Variants in ISL1 observed in about 807,000 individuals in gnomAD.
ISL1 encodes the protein insulin gene enhancer protein ISL-1.
Under a neutral mutation model 35.3 loss-of-function variants are expected in ISL1, and 4 were observed. The ratio of observed to expected loss-of-function variants is 0.11; its 90% CI spans 0.06 to 0.26. The LOEUF is 0.26. Among genes scored for constraint, ISL1 ranks in the 10% least tolerant of loss-of-function variants. ISL1 has a pLI of 1.00. For synonymous variants in ISL1, 186 were observed against 172.3 expected (o/e 1.08, Z -0.62); for missense variants, 340 against 472.8 (o/e 0.72, Z 2.60).
chr5:51,385,182 A>C (rs1197388003), intron 2 of ISL1, among the ~76,000 whole-genome samples: 2 of 152,238 alleles, frequency 1.3e-5, no homozygotes, highest in East Asian at 3.8e-4. Context: ...AATAGGTGAA[A>C]TAAAAGTTTG....
chr5:51,391,416 T>C lies in ISL1; in HGVS notation c.908T>C (p.Ile303Thr). The C allele has an allele frequency of 6.2e-7, 1 of 1,614,124 alleles. No individual in the cohort carries two copies. The highest frequency in any genetic ancestry group is 8.5e-7 in the Non-Finnish European group (1 of 1,180,028). Reference sequence around the variant, plus strand: ...AGCGACTTCGCCTTGCAGAGTGACATAGATCAGCCTGCTTTTCAGCAACTG... The same window carrying C: ...AGCGACTTCGCCTTGCAGAGTGACACAGATCAGCCTGCTTTTCAGCAACTG... ...VLSDFALQSD[I>T]DQPAFQQLVN... is the part of the protein sequence containing the mutation. The change falls in exon 5 of 6, where the codon ATA (isoleucine) becomes ACA (threonine). Residue 303 changes from isoleucine to threonine, a missense_variant. By Grantham distance (89) the Ile-to-Thr change is moderately conservative. Coordinates refer to ENST00000230658, the MANE Select transcript of ISL1 (RefSeq NM_002202.3).
intron 2 of ISL1, among the ~76,000 whole-genome samples, chr5:51,385,914 C>G (rs1219458579): frequency 6.6e-6 from 1 of 152,026 alleles, no homozygotes; most frequent in African/African-American, 2.4e-5. Context: ...CACTTAGTAT[C>G]CAGCATTTTT....
rs1320364859 is a variant in ISL1, at chr5:51,387,063, G to T, written c.219-427G>T. Among the ~76,000 whole-genome samples the T allele has an allele frequency of 6.7e-6, 1 of 148,776 alleles. No homozygotes were observed. The highest frequency in any genetic ancestry group is 2.0e-4 in the East Asian group (1 of 4,940). Reference sequence around the variant, plus strand: ...GGGATAGGGAAGTGAAAGTGTTGGTGTCGGTGGCCACCAGAGTCTTTCTGG... The same window carrying T: ...GGGATAGGGAAGTGAAAGTGTTGGTTTCGGTGGCCACCAGAGTCTTTCTGG... On this transcript the variant is annotated intron_variant, in intron 2 of 5. Coordinates refer to ENST00000230658, the MANE Select transcript of ISL1 (RefSeq NM_002202.3). This position sits in a 1 kb window ranked among gnomAD's most constrained non-coding sequence, Gnocchi z 4.3.
chr5:51,391,609 G>A (rs768950497), intron 5 of ISL1, 168 bp downstream of exon 5: 14 of 703,042 alleles, frequency 2.0e-5, no homozygotes, highest in Non-Finnish European at 2.7e-5. Context: ...CAGGGAAAAC[G>A]AACCTCTTGG....
intron 4 of ISL1, among the ~76,000 whole-genome samples, chr5:51,390,642 CTTTTTTTTTTTTT>C (rs57707586): frequency 2.6e-3 from 104 of 40,214 alleles, no homozygotes; most frequent in African/African-American, 8.2e-3. Flanking sequence ...CTTTCTTTTT[CTTTTTTTTTTTTT>C]TTTTTTTTTT....
chr5:51,384,243 A>G (rs1371958252), intron 1 of ISL1, among the ~76,000 whole-genome samples: 30 of 116,248 alleles, frequency 2.6e-4, no homozygotes, highest in South Asian at 6.8e-4. Flanking sequence ...GCAAAGAGGA[A>G]GGGGGGGGGG....
At position 51,390,005 on chromosome 5, in the gene ISL1, C is replaced by G. The variant is rs1747450910; in HGVS notation, c.765+73C>G. On this transcript the variant is annotated intron_variant, in intron 4 of 5. Coordinates refer to ENST00000230658, the MANE Select transcript of ISL1 (RefSeq NM_002202.3). ...CAGCGTGCGAGGTGCGTTCCTGGTA[C>G]GCAGGATCGCACGGTTTTCAATCCT... The G allele has an allele frequency of 4.6e-6, 7 of 1,519,434 alleles. No individual in the cohort carries two copies. The East Asian group carries it at 9.2e-5, about 20-fold the overall frequency. 94.1% of individuals were successfully genotyped at this position (1,519,434 alleles called of 1,614,324 possible).
chr5:51,393,690 A>C lies in ISL1; in HGVS notation c.*80A>C. The C allele has an allele frequency of 1.1e-6, 1 of 889,196 alleles. No individual in the cohort carries two copies. Among genetic ancestry groups the C allele is most frequent in the Non-Finnish European group, 1.9e-6 (1 of 520,018 alleles). The allele number at this position is 889,196 out of a possible 1,614,324, so 55.1% of individuals were successfully genotyped here. A position where few individuals can be genotyped will look rare whatever the true frequency, so the allele number is the denominator to read the frequency against. On this transcript the variant is annotated 3_prime_UTR_variant, in exon 6 of 6. Coordinates refer to ENST00000230658, the MANE Select transcript of ISL1 (RefSeq NM_002202.3). ...GTCGAACTCTGAAACAAAAGTATTTAACGACCCAGTCAATGAAAACTGAAT... is the reference window on the plus strand; with the variant it reads ...GTCGAACTCTGAAACAAAAGTATTTCACGACCCAGTCAATGAAAACTGAAT...
At position 51,384,694 on chromosome 5, in the gene ISL1, G is replaced by C. The variant is rs1747301162; in HGVS notation, c.182G>C (p.Arg61Thr). 6.2e-7 allele frequency: 1 copy of C among 1,614,008 alleles called. No homozygotes were observed. The highest frequency in any genetic ancestry group is 1.3e-5 in the African/African-American group (1 of 74,930). ...YLDESCTCFVRDGKTYCKRDY... is the reference protein window; with the variant it reads ...YLDESCTCFVTDGKTYCKRDY... Reference sequence around the variant, plus strand: ...GACGAGAGCTGTACATGCTTTGTTAGGGATGGGAAAACCTACTGTAAAAGA... The same window carrying C: ...GACGAGAGCTGTACATGCTTTGTTACGGATGGGAAAACCTACTGTAAAAGA... The change falls in exon 2 of 6, where the codon AGG (arginine) becomes ACG (threonine). Residue 61 changes from arginine (R) to threonine (T), a missense_variant. This residue lies in a region of ISL1 where 70 missense variants were observed against 130.3 expected (regional missense o/e 0.54). Transcript: ENST00000230658.
rs746145654 is a variant in ISL1, at chr5:51,387,469, G to T, written c.219-21G>T. On this transcript the variant is annotated intron_variant, in intron 2 of 5. Coordinates refer to ENST00000230658, the MANE Select transcript of ISL1 (RefSeq NM_002202.3). This position sits in a 1 kb window ranked among gnomAD's most constrained non-coding sequence, Gnocchi z 4.3. ...TCTCTCCCCGCTCTGGGCCGCCTCC[G>T]CTCCCCCCTCCCCCGCACAGGTTGT... The T allele has an allele frequency of 2.5e-6, 4 of 1,613,302 alleles. No homozygotes were observed. Among genetic ancestry groups the T allele is most frequent in the East Asian group, 2.2e-5 (1 of 44,810 alleles).
rs772384999 is a variant in ISL1, at chr5:51,393,517, G to A, written c.957G>A (p.Pro319=). The change falls in exon 6 of 6, where the codon CCG becomes CCA. Residue 319 remains proline (P), a synonymous_variant. Coordinates refer to ENST00000230658, the MANE Select transcript of ISL1 (RefSeq NM_002202.3). Reference sequence around the variant, plus strand: ...AGGTCAATTTTTCAGAAGGAGGACCGGGCTCTAATTCCACTGGCAGTGAAG... The same window carrying A: ...AGGTCAATTTTTCAGAAGGAGGACCAGGCTCTAATTCCACTGGCAGTGAAG... ...QQLVNFSEGG[P]GSNSTGSEVA... 28 of 1,612,988 alleles carry A rather than the reference G, an allele frequency of 1.7e-5. No homozygotes were observed. In the Middle Eastern group the frequency reaches 6.6e-4, roughly 38 times the overall value.
At chr5:51,391,852 C>T (rs1320772138) in intron 5 of ISL1, among the ~76,000 whole-genome samples, 1 of 152,026 alleles carries the variant, frequency 6.6e-6, no homozygotes, top group Non-Finnish European at 1.5e-5. Context: ...TCCTGAGCAT[C>T]TAGAGAATGG....
intron 4 of ISL1, among the ~76,000 whole-genome samples, chr5:51,390,636 C>CCTTTTTTTTTTTTTTT (rs1747475980): frequency 9.4e-5 from 7 of 74,326 alleles, no homozygotes; most frequent in African/African-American, 3.0e-4. Flanking sequence ...TCTTTTCTTT[C>CCTTTTTTTTTTTTTTT]TTTTTCTTTT....
Position 51,389,510 on chromosome 5 carries a change from T to C in ISL1, c.479-136T>C, listed in dbSNP as rs1301867181. The C allele has an allele frequency of 2.7e-6, 2 of 731,752 alleles. No individual in the cohort carries two copies. Among genetic ancestry groups the C allele is most frequent in the Admixed American group, 9.2e-5 (2 of 21,744 alleles). The allele number at this position is 731,752 out of a possible 1,614,324, so 45.3% of individuals were successfully genotyped here. A position where few individuals can be genotyped will look rare whatever the true frequency, so the allele number is the denominator to read the frequency against. Reference sequence around the variant, plus strand: ...CTGAGGCTGCAAACCCTAGCCATTGTCCTGAGTATCTCGGGCGGGCGAGCA... The same window carrying C: ...CTGAGGCTGCAAACCCTAGCCATTGCCCTGAGTATCTCGGGCGGGCGAGCA... On this transcript the variant is annotated intron_variant, in intron 3 of 5. Coordinates refer to ENST00000230658, the MANE Select transcript of ISL1 (RefSeq NM_002202.3). This position sits in a 1 kb window ranked among gnomAD's most constrained non-coding sequence, Gnocchi z 5.0.
At chr5:51,390,961 A>G (rs1747499881) in intron 4 of ISL1, among the ~76,000 whole-genome samples, 1 of 151,756 alleles carries the variant, frequency 6.6e-6, no homozygotes, top group South Asian at 2.1e-4. Flanking sequence ...CTGGGAAGCT[A>G]TGGTCTGAGA....
At position 51,389,716 on chromosome 5, in the gene ISL1, C is replaced by T. The variant is rs1441983976; in HGVS notation, c.549C>T (p.Arg183=). ...ACAAGCAGCCGGAGAAGACCACCCG[C>T]GTGCGGACTGTGCTGAACGAGAAGC... ...HVHKQPEKTT[R]VRTVLNEKQL... is the part of the protein sequence containing the mutation. The change falls in exon 4 of 6, where the codon CGC becomes CGT. Residue 183 remains arginine, a synonymous_variant. Coordinates refer to ENST00000230658, the MANE Select transcript of ISL1 (RefSeq NM_002202.3). This position sits in a 1 kb window ranked among gnomAD's most constrained non-coding sequence, Gnocchi z 5.0. 2 of 1,613,988 alleles carry T rather than the reference C, an allele frequency of 1.2e-6. No individual in the cohort carries two copies. Among genetic ancestry groups the T allele is most frequent in the Non-Finnish European group, 8.5e-7 (1 of 1,180,030 alleles).
chr5:51,385,196 G>A (rs1202594820), intron 2 of ISL1, among the ~76,000 whole-genome samples: 3 of 152,196 alleles, frequency 2.0e-5, no homozygotes, highest in African/African-American at 7.2e-5. Flanking sequence ...AAGTTTGACC[G>A]AAGCATGTTT....
chr5:51,387,536 A>G lies in ISL1; in HGVS notation c.265A>G (p.Asn89Asp). ...CAAGTGCAGCATCGGCTTCAGCAAGAACGACTTCGTGATGCGTGCCCGCTC... is the reference window on the plus strand; with the variant it reads ...CAAGTGCAGCATCGGCTTCAGCAAGGACGACTTCGTGATGCGTGCCCGCTC... ...CAKCSIGFSK[N>D]DFVMRARSKV... The change falls in exon 3 of 6, where the codon AAC becomes GAC. Residue 89 changes from asparagine to aspartate, a missense_variant. Physicochemically the swap from Asn to Asp is conservative, Grantham distance 23. Around this residue, in one of 7 missense-constraint regions of ISL1, gnomAD observed 70 missense variants for 130.3 expected, o/e 0.54. Transcript: ENST00000230658. This position sits in a 1 kb window ranked among gnomAD's most constrained non-coding sequence, Gnocchi z 4.3. 6.2e-7 allele frequency: 1 copy of G among 1,614,208 alleles called. No homozygotes were observed. The highest frequency in any genetic ancestry group is 8.5e-7 in the Non-Finnish European group (1 of 1,180,040).
At chr5:51,392,292 A>G (rs1322882762) in intron 5 of ISL1, among the ~76,000 whole-genome samples, 1 of 152,216 alleles carries the variant, frequency 6.6e-6, no homozygotes, top group African/African-American at 2.4e-5. Context: ...GTAATATGCT[A>G]TATTTATATA....
Sources: allele counts gnomAD v4.1 joint callset (sites outside exome capture counted in the v4.1 genomes callset), GRCh38; gene constraint gnomAD v4.1.1; regional missense constraint gnomAD v4.1.1; non-coding constraint Gnocchi (gnomAD v3.1); transcripts MANE v1.5; gene names NCBI Gene and HGNC (gene_info 2026-07-23, HGNC 2026-07-21).